Variants in STXBP5L observed in about 807,000 individuals in gnomAD.
STXBP5L encodes syntaxin-binding protein 5-like.
Under a neutral mutation model 144.5 loss-of-function variants are expected in STXBP5L, and 65 were observed. The ratio of observed to expected loss-of-function variants is 0.45; its 90% CI spans 0.37 to 0.55. The LOEUF (loss-of-function observed/expected upper bound fraction) is 0.55. STXBP5L is among the 20% of genes least tolerant of loss of function. STXBP5L has a pLI of 0.00. For missense variants in STXBP5L, 1,298 were observed against 1,405.5 expected, an observed-to-expected ratio of 0.92 and a Z score of 1.22; for synonymous variants, 505 against 469.6, an observed-to-expected ratio of 1.08 and a Z score of -0.97.
intron 10 of STXBP5L, among the ~76,000 whole-genome samples, chr3:121,216,740 A>C (rs570559672): frequency 6.6e-6 from 1 of 152,204 alleles, no homozygotes; most frequent in African/African-American, 2.4e-5. Context: ...CTCTCTTCAG[A>C]GTCAGCAGGC....
chr3:121,301,568 A>G (rs2051909295), intron 19 of STXBP5L, among the ~76,000 whole-genome samples: 2 of 152,238 alleles, frequency 1.3e-5, no homozygotes, highest in African/African-American at 4.8e-5. Context: ...CCTGGCCAGA[A>G]CTTCCAACAC....
chr3:121,130,129 T>A (rs2044908303), intron 7 of STXBP5L, among the ~76,000 whole-genome samples: 1 of 152,136 alleles, frequency 6.6e-6, no homozygotes, highest in African/African-American at 2.4e-5. Context: ...AAGTCAAAGA[T>A]GCTTTGCAAG....
intron 3 of STXBP5L, among the ~76,000 whole-genome samples, chr3:121,002,435 T>C (rs1943861597): frequency 6.6e-6 from 1 of 152,198 alleles, no homozygotes; most frequent in South Asian, 2.1e-4. Context: ...GAGTTTCTTT[T>C]ATATATGCAT....
At chr3:121,297,202 A>ATGTGTG (rs71133526) in intron 19 of STXBP5L, among the ~76,000 whole-genome samples, 2,162 of 148,318 alleles carry the variant, frequency 0.015, 23 homozygotes, top group East Asian at 0.022. Context: ...TCTACATTAT[A>ATGTGTG]TGTGTGTGTG....
chr3:121,327,176 G>A (rs1455479752), intron 20 of STXBP5L, among the ~76,000 whole-genome samples: 3 of 152,050 alleles, frequency 2.0e-5, no homozygotes, highest in South Asian at 2.1e-4. Context: ...AAAGACATAC[G>A]AATATACAGA....
At chr3:121,112,040 A>C (rs1201716802) in intron 5 of STXBP5L, among the ~76,000 whole-genome samples, 1 of 152,154 alleles carries the variant, frequency 6.6e-6, no homozygotes, top group Non-Finnish European at 1.5e-5. Flanking sequence ...TACACTGTGG[A>C]GAATTCCTCC....
intron 3 of STXBP5L, among the ~76,000 whole-genome samples, chr3:120,984,632 C>CTTTTTTTTTT (rs35656223): frequency 5.7e-4 from 41 of 71,964 alleles, no homozygotes; most frequent in Admixed American, 6.6e-4. Flanking sequence ...TCTTTCTTTC[C>CTTTTTTTTTT]TTTTTTTTTT....
intron 22 of STXBP5L, among the ~76,000 whole-genome samples, chr3:121,392,053 G>A (rs958941016): frequency 6.6e-6 from 1 of 152,168 alleles, no homozygotes; most frequent in Non-Finnish European, 1.5e-5. Flanking sequence ...GCTGTGGTGG[G>A]CTCCATCCAG....
intron 3 of STXBP5L, among the ~76,000 whole-genome samples, chr3:121,027,774 G>A (rs966006250): frequency 6.6e-6 from 1 of 151,978 alleles, no homozygotes; most frequent in African/African-American, 2.4e-5. Flanking sequence ...ATTTCACCTT[G>A]TCATGTAACA....
At chr3:121,418,208 C>T (rs888156868) in intron 25 of STXBP5L, 129 bp from the exon 26 acceptor site, 14 of 1,088,130 alleles carry the variant, frequency 1.3e-5, no homozygotes, top group Non-Finnish European at 1.3e-6. Flanking sequence ...TATGACTGGA[C>T]CAAATAAGAC....
intron 20 of STXBP5L, among the ~76,000 whole-genome samples, chr3:121,346,588 C>T (rs375194530): frequency 3.9e-5 from 6 of 152,096 alleles, no homozygotes; most frequent in Admixed American, 1.3e-4. Context: ...AGTGTTCCTA[C>T]TTCTCCACAT....
chr3:120,973,352 A>T (rs902130145), intron 3 of STXBP5L, among the ~76,000 whole-genome samples: 1 of 151,468 alleles, frequency 6.6e-6, no homozygotes, highest in Admixed American at 6.6e-5. Context: ...TTAGTTTGAG[A>T]GTGTAGAGGT....
chr3:121,117,741 AT>A (rs1206227292), intron 6 of STXBP5L, among the ~76,000 whole-genome samples: 1 of 151,552 alleles, frequency 6.6e-6, no homozygotes, highest in Non-Finnish European at 1.5e-5. Context: ...GCTTGTTTCT[AT>A]TTTTAGTGAA....
intron 3 of STXBP5L, among the ~76,000 whole-genome samples, chr3:120,989,813 C>A (rs1036300760): frequency 6.6e-6 from 1 of 151,914 alleles, no homozygotes; most frequent in African/African-American, 2.4e-5. Flanking sequence ...TCTCTAAAAT[C>A]TACTCTACCT....
intron 5 of STXBP5L, among the ~76,000 whole-genome samples, chr3:121,096,741 C>A (rs929029656): frequency 7.2e-5 from 11 of 152,128 alleles, no homozygotes; most frequent in Non-Finnish European, 1.3e-4. Context: ...GGGAACCTAC[C>A]AGTTGCCAGC....
intron 2 of STXBP5L, among the ~76,000 whole-genome samples, chr3:120,943,828 T>TC (rs1304268959): frequency 4.1e-5 from 6 of 146,696 alleles, no homozygotes; most frequent in Non-Finnish European, 9.1e-5. Context: ...TTCTTCTTCT[T>TC]TTTTTTTTTT....
chr3:120,968,397 TTGTC>T (rs1236917163), intron 3 of STXBP5L, among the ~76,000 whole-genome samples: 1 of 152,212 alleles, frequency 6.6e-6, no homozygotes, highest in Non-Finnish European at 1.5e-5. Flanking sequence ...AAATTTTATT[TTGTC>T]TGATATAAGT....
At chr3:121,352,374 A>T (rs988409489) in intron 20 of STXBP5L, among the ~76,000 whole-genome samples, 7 of 152,020 alleles carry the variant, frequency 4.6e-5, no homozygotes, top group East Asian at 1.9e-4. Context: ...AGTGGTTTGT[A>T]GTTCTCCTTG....
intron 3 of STXBP5L, among the ~76,000 whole-genome samples, chr3:120,961,481 A>G (rs1231556059): frequency 1.3e-5 from 2 of 151,516 alleles, no homozygotes; most frequent in African/African-American, 4.9e-5. Context: ...TGTGTGAGTG[A>G]TCTCATTGTT....
Sources: allele counts gnomAD v4.1 joint callset (sites outside exome capture counted in the v4.1 genomes callset), GRCh38; gene constraint gnomAD v4.1.1; transcripts MANE v1.5; gene names NCBI Gene and HGNC (gene_info 2026-07-23, HGNC 2026-07-21).